PTPRD: variants seen among roughly 807,000 people sequenced by gnomAD.
PTPRD encodes receptor-type tyrosine-protein phosphatase delta.
PTPRD carries 34 observed loss-of-function variants against 214.5 expected under a neutral mutation model. That is an observed-to-expected ratio of 0.16 (90% CI 0.12 to 0.21). PTPRD has a LOEUF of 0.21. Among genes scored for constraint, PTPRD ranks in the 10% least tolerant of loss-of-function variants. The probability of loss-of-function intolerance (pLI) is 1.00; values close to 1 mark genes in which losing one functional copy is unlikely to be tolerated. For synonymous variants in PTPRD, 1,128 were observed against 845.7 expected (o/e 1.33, Z -5.79); for missense variants, 2,545 against 2,398.7 (o/e 1.06, Z -1.27).
intron 2 of PTPRD, among the ~76,000 whole-genome samples, chr9:10,399,520 A>T (rs2098234336): frequency 6.6e-6 from 1 of 151,524 alleles, no homozygotes; most frequent in Non-Finnish European, 1.5e-5. Flanking sequence ...ATAAAGAACC[A>T]CATGAAACTA....
At chr9:8,949,247 G>T (rs910328029) in intron 11 of PTPRD, among the ~76,000 whole-genome samples, 1 of 149,614 alleles carries the variant, frequency 6.7e-6, no homozygotes, top group African/African-American at 2.5e-5. Context: ...AAAGAAAAAA[G>T]TATTGTTTCT....
At chr9:10,394,672 A>G (rs1478437580) in intron 2 of PTPRD, among the ~76,000 whole-genome samples, 1 of 151,926 alleles carries the variant, frequency 6.6e-6, no homozygotes, top group Non-Finnish European at 1.5e-5. Flanking sequence ...TAACCTTCAT[A>G]AAAATAGCCT....
chr9:9,756,475 C>T (rs2098580563), intron 6 of PTPRD, among the ~76,000 whole-genome samples: 1 of 151,936 alleles, frequency 6.6e-6, no homozygotes, highest in Non-Finnish European at 1.5e-5. Context: ...AGGTAAAAGC[C>T]ATTTCTATCT....
intron 9 of PTPRD, among the ~76,000 whole-genome samples, chr9:9,250,821 T>C (rs1022336539): frequency 1.3e-5 from 2 of 152,062 alleles, no homozygotes; most frequent in Non-Finnish European, 2.9e-5. Flanking sequence ...TCCCAACAAA[T>C]TTGTTTTCCT....
intron 3 of PTPRD, among the ~76,000 whole-genome samples, chr9:10,118,030 T>G (rs7341885): frequency 0.21 from 31,606 of 151,894 alleles, 3,533 homozygotes; most frequent in South Asian, 0.33. Context: ...CTAATGAATG[T>G]ATATCACTTT....
chr9:9,882,424 T>C (rs1391753363), intron 5 of PTPRD, among the ~76,000 whole-genome samples: 1 of 152,152 alleles, frequency 6.6e-6, no homozygotes, highest in Non-Finnish European at 1.5e-5. Flanking sequence ...AGTTGGTTTC[T>C]TCTGCTGAGA....
chr9:9,693,089 T>C (rs1022140449), intron 7 of PTPRD, among the ~76,000 whole-genome samples: 9 of 152,034 alleles, frequency 5.9e-5, no homozygotes, highest in African/African-American at 2.2e-4. Flanking sequence ...ACTTCTTCCT[T>C]TCCAATTTGG....
chr9:9,727,875 T>C (rs2098120943), intron 7 of PTPRD, among the ~76,000 whole-genome samples: 1 of 152,280 alleles, frequency 6.6e-6, no homozygotes, highest in South Asian at 2.1e-4. Context: ...TTCTTACACA[T>C]TGAATAAACT....
At chr9:9,759,975 T>C (rs2098636982) in intron 6 of PTPRD, among the ~76,000 whole-genome samples, 1 of 152,192 alleles carries the variant, frequency 6.6e-6, no homozygotes, top group Non-Finnish European at 1.5e-5. Flanking sequence ...TCTAACCTGG[T>C]GTTGTACATT....
At chr9:9,908,598 G>A (rs769111952) in intron 5 of PTPRD, among the ~76,000 whole-genome samples, 1 of 151,960 alleles carries the variant, frequency 6.6e-6, no homozygotes, top group Non-Finnish European at 1.5e-5. Context: ...CTGGATGAGG[G>A]AAATGGGTTT....
intron 8 of PTPRD, among the ~76,000 whole-genome samples, chr9:9,456,594 A>C (rs892506530): frequency 1.3e-5 from 2 of 151,988 alleles, no homozygotes; most frequent in Non-Finnish European, 2.9e-5. Context: ...GGTCACTATT[A>C]GCCTCTAACT....
chr9:9,870,304 ATTC>A (rs1221329240), intron 5 of PTPRD, among the ~76,000 whole-genome samples: 3 of 152,070 alleles, frequency 2.0e-5, no homozygotes, highest in Admixed American at 1.3e-4. Context: ...TCAATATATC[ATTC>A]TTCTTCAAAA....
chr9:8,860,919 G>C (rs1333833261), intron 11 of PTPRD: 4 of 152,146 alleles, frequency 2.6e-5, no homozygotes, highest in African/African-American at 7.2e-5. Context: ...CTGGATCAAA[G>C]AAGCCAGTTT....
At chr9:10,442,828 G>A in intron 2 of PTPRD, among the ~76,000 whole-genome samples, 1 of 151,336 alleles carries the variant, frequency 6.6e-6, no homozygotes, top group African/African-American at 2.4e-5. Flanking sequence ...GGGAAAATAG[G>A]ATACACTAAT....
At chr9:9,989,032 A>C (rs1566949815) in intron 4 of PTPRD, among the ~76,000 whole-genome samples, 1 of 142,156 alleles carries the variant, frequency 7.0e-6, no homozygotes, top group East Asian at 1.9e-4. Context: ...AAAAAAAAAA[A>C]AAAAAAAAAA....
At chr9:9,025,680 A>G (rs900863420) in intron 10 of PTPRD, among the ~76,000 whole-genome samples, 11 of 152,012 alleles carry the variant, frequency 7.2e-5, no homozygotes, top group African/African-American at 2.4e-4. Context: ...GGTAAGGAAG[A>G]TATTGTAATG....
intron 9 of PTPRD, among the ~76,000 whole-genome samples, chr9:9,365,891 A>C (rs931991353): frequency 6.6e-6 from 1 of 151,602 alleles, no homozygotes; most frequent in African/African-American, 2.4e-5. Context: ...TAAATAAATT[A>C]ATTCATTCAT....
intron 3 of PTPRD, among the ~76,000 whole-genome samples, chr9:10,131,321 A>T (rs1262204575): frequency 6.6e-6 from 1 of 152,114 alleles, no homozygotes; most frequent in Non-Finnish European, 1.5e-5. Context: ...ATGCATCAGC[A>T]TCCTTCTCCG....
chr9:9,931,697 G>A (rs968918910), intron 5 of PTPRD, among the ~76,000 whole-genome samples: 20 of 151,432 alleles, frequency 1.3e-4, no homozygotes, highest in South Asian at 2.1e-4. Context: ...CAAAGCAGCT[G>A]GGAAGCTCGA....
Sources: allele counts gnomAD v4.1 joint callset (sites outside exome capture counted in the v4.1 genomes callset), GRCh38; gene constraint gnomAD v4.1.1; transcripts MANE v1.5; gene names NCBI Gene and HGNC (gene_info 2026-07-23, HGNC 2026-07-21).